The following KIF5C variants were observed in gnomAD, a reference collection of about 807,000 sequenced individuals.
KIF5C encodes kinesin family member 5C.
KIF5C carries 18 observed loss-of-function variants against 125.2 expected under a neutral mutation model. That is an observed-to-expected ratio of 0.14 (90% CI 0.10 to 0.21). The LOEUF (loss-of-function observed/expected upper bound fraction) is 0.21, where lower values mean the gene tolerates loss of function less well. Among genes scored for constraint, KIF5C ranks in the 10% least tolerant of loss-of-function variants. The probability of loss-of-function intolerance (pLI) is 1.00; values close to 1 mark genes in which losing one functional copy is unlikely to be tolerated. For missense variants in KIF5C, 780 were observed against 1,183.8 expected (o/e 0.66, Z 5.01); for synonymous variants, 405 against 434.0 (o/e 0.93, Z 0.83).
intron 1 of KIF5C, among the ~76,000 whole-genome samples, chr2:148,906,289 G>C (rs1478647055): frequency 6.6e-6 from 1 of 152,202 alleles, no homozygotes; most frequent in Non-Finnish European, 1.5e-5. Context: ...AGGGAACCAG[G>C]CTGTGAAAGT....
intron 15 of KIF5C, among the ~76,000 whole-genome samples, chr2:148,985,045 C>T (rs1007067659): frequency 7.2e-5 from 11 of 152,080 alleles, no homozygotes; most frequent in Non-Finnish European, 1.3e-4. Flanking sequence ...TCAAGTGATT[C>T]GCCTGCCTCT....
At chr2:148,937,145 C>G in intron 3 of KIF5C, 139 bp from the exon 4 acceptor site, 1 of 1,272,102 alleles carries the variant, frequency 7.9e-7, no homozygotes, top group Non-Finnish European at 1.1e-6. Context: ...CAGGTAGATG[C>G]CCAAGGGAGC....
At chr2:148,901,281 C>A (rs1680894138) in intron 1 of KIF5C, among the ~76,000 whole-genome samples, 1 of 152,122 alleles carries the variant, frequency 6.6e-6, no homozygotes, top group Admixed American at 6.5e-5. Flanking sequence ...GTATATATAA[C>A]CTGCCACCTT....
chr2:148,907,789 C>T (rs780521716), intron 1 of KIF5C, among the ~76,000 whole-genome samples: 8 of 152,198 alleles, frequency 5.3e-5, no homozygotes, highest in Admixed American at 3.9e-4. Context: ...AGAGTACCTA[C>T]GTGTCCCTGA....
chr2:148,942,266 A>G (rs771181796), intron 6 of KIF5C, among the ~76,000 whole-genome samples: 5 of 152,186 alleles, frequency 3.3e-5, no homozygotes, highest in Admixed American at 6.5e-5. Flanking sequence ...CTATTATAGC[A>G]TTATCTGTGG....
intron 1 of KIF5C, among the ~76,000 whole-genome samples, chr2:148,893,975 G>A (rs1200464176): frequency 6.6e-6 from 1 of 152,122 alleles, no homozygotes; most frequent in African/African-American, 2.4e-5. Context: ...TCACTGTTTA[G>A]TAGAGGAGAC....
chr2:149,017,284 A>G (rs927116298), intron 25 of KIF5C, among the ~76,000 whole-genome samples: 8 of 152,124 alleles, frequency 5.3e-5, no homozygotes, highest in Admixed American at 5.2e-4. Flanking sequence ...TGGGCGGTAG[A>G]TGGGGTGCAT....
intron 11 of KIF5C, among the ~76,000 whole-genome samples, chr2:148,962,341 ATTTTTTT>A (rs374547075): frequency 7.4e-6 from 1 of 135,718 alleles, no homozygotes. Context: ...AATTTTTGTA[ATTTTTTT>A]TTTTTTTTTT....
At chr2:148,974,444 GA>G (rs1007578587) in intron 12 of KIF5C, among the ~76,000 whole-genome samples, 17 of 152,202 alleles carry the variant, frequency 1.1e-4, no homozygotes, top group Non-Finnish European at 2.9e-5. Flanking sequence ...TTTGCAAGCT[GA>G]ATGTGACTGG....
intron 25 of KIF5C, among the ~76,000 whole-genome samples, chr2:149,021,701 T>C (rs1472662938): frequency 6.7e-6 from 1 of 148,158 alleles, no homozygotes; most frequent in Non-Finnish European, 1.5e-5. Context: ...GCATAATGTG[T>C]CAGGTTACAG....
At chr2:148,879,203 G>A (rs1681279463) in intron 1 of KIF5C, 1 of 152,148 alleles carries the variant, frequency 6.6e-6, no homozygotes, top group Non-Finnish European at 1.5e-5. Context: ...TATGCCTAAT[G>A]ACATTGTAAG....
intron 18 of KIF5C, chr2:148,998,090 T>G (rs1167124508): frequency 3.6e-5 from 14 of 383,568 alleles, no homozygotes; most frequent in East Asian, 5.3e-5. Context: ...TAGGGAGAGG[T>G]TGGTGCCCTC....
chr2:148,900,878 G>A (rs1574706059), intron 1 of KIF5C, among the ~76,000 whole-genome samples: 1 of 152,164 alleles, frequency 6.6e-6, no homozygotes, highest in East Asian at 1.9e-4. Context: ...GGCAGGTAGG[G>A]TGGGGCAGGG....
At chr2:148,989,447 C>T (rs183080698) in intron 15 of KIF5C, among the ~76,000 whole-genome samples, 10 of 152,122 alleles carry the variant, frequency 6.6e-5, no homozygotes, top group Non-Finnish European at 1.2e-4. Context: ...ATTGTGCTGC[C>T]GTAAACATGC....
At chr2:149,006,407 A>G (rs1682009242) in intron 22 of KIF5C, among the ~76,000 whole-genome samples, 1 of 152,178 alleles carries the variant, frequency 6.6e-6, no homozygotes, top group South Asian at 2.1e-4. Context: ...TCGGCAGGGA[A>G]ATACATGCGG....
chr2:149,000,914 A>G (rs1001139747), intron 21 of KIF5C, 132 bp downstream of exon 21: 4 of 1,475,700 alleles, frequency 2.7e-6, no homozygotes, highest in African/African-American at 1.4e-5. Context: ...TCTATGGAAA[A>G]GTAGGATTTG....
At chr2:148,930,701 G>A (rs578146593) in intron 3 of KIF5C, among the ~76,000 whole-genome samples, 8 of 152,218 alleles carry the variant, frequency 5.3e-5, no homozygotes, top group South Asian at 2.1e-4. Flanking sequence ...TCATTTCTGC[G>A]GTGTTGACTC....
rs755734035 is a variant in KIF5C at position 148,991,122 on chromosome 2, G to C, written c.1829G>C (p.Ser610Thr). The change falls in exon 16 of 26, where the codon AGC becomes ACC. Residue 610 changes from serine to threonine, a missense_variant. This residue lies in a region of KIF5C where 573 missense variants were observed against 742.6 expected (regional missense o/e 0.77). Coordinates refer to ENST00000435030, the MANE Select transcript of KIF5C (RefSeq NM_004522.3). ...SLVNRSKQLE[S>T]AQMDSNRKMN... ...GTGAACCGCAGCAAACAGCTCGAGA[G>C]CGCCCAGATGGACTCCAACAGGAAG... The C allele has an allele frequency of 1.2e-6, 2 of 1,613,992 alleles. No homozygotes were observed. The highest frequency in any genetic ancestry group is 1.7e-6 in the Non-Finnish European group (2 of 1,179,884).
intron 19 of KIF5C, among the ~76,000 whole-genome samples, chr2:148,998,998 T>C (rs1248533991): frequency 6.6e-6 from 1 of 152,150 alleles, no homozygotes; most frequent in African/African-American, 2.4e-5. Context: ...CCTGGTTCCA[T>C]GTGCTCACTT....
Sources: gnomAD v4.1 joint callset for allele counts (sites outside exome capture counted in the v4.1 genomes callset) on GRCh38, gnomAD v4.1.1 for gene constraint, gnomAD v4.1.1 regional missense constraint, MANE v1.5 for transcripts, NCBI Gene and HGNC (gene_info 2026-07-23, HGNC 2026-07-21) for gene names.